UTRN: variants seen among roughly 807,000 people sequenced by gnomAD.
UTRN encodes the protein dystrophin-related protein 1.
A neutral mutation model predicts 463.9 loss-of-function variants in UTRN; 283 were observed. The observed-to-expected ratio is 0.61, with a 90% CI of 0.55 to 0.67. The LOEUF (loss-of-function observed/expected upper bound fraction) is 0.67. UTRN is among the 30% of genes least tolerant of loss of function. The pLI is 0.00. For missense variants in UTRN, 3,922 were observed against 4,084.3 expected (o/e 0.96, Z 1.08); for synonymous variants, 1,442 against 1,431.5 (o/e 1.01, Z -0.17).
intron 11 of UTRN, among the ~76,000 whole-genome samples, chr6:144,438,473 T>A (rs1342349934): frequency 6.6e-6 from 1 of 152,246 alleles, no homozygotes; most frequent in African/African-American, 2.4e-5. Flanking sequence ...TTCCACCTAT[T>A]TAATAAGCAG....
chr6:144,633,806 G>A (rs1776807487), intron 51 of UTRN, among the ~76,000 whole-genome samples: 1 of 152,068 alleles, frequency 6.6e-6, no homozygotes, highest in Non-Finnish European at 1.5e-5. Flanking sequence ...CTTTTAAAAT[G>A]GTTTTATTCA....
intron 51 of UTRN, among the ~76,000 whole-genome samples, chr6:144,655,961 G>A (rs1353036494): frequency 6.6e-6 from 1 of 152,148 alleles, no homozygotes; most frequent in African/African-American, 2.4e-5. Context: ...TTGGAATGTG[G>A]TTTTTATTAA....
At chr6:144,564,121 C>T (rs1363800348) in intron 50 of UTRN, among the ~76,000 whole-genome samples, 1 of 152,172 alleles carries the variant, frequency 6.6e-6, no homozygotes, top group Non-Finnish European at 1.5e-5. Flanking sequence ...CACCTCATTC[C>T]TGCTCCCAGG....
rs11968492 is a variant in UTRN at position 144,351,120 on chromosome 6, A to C, written c.80-52003A>C. 4.7e-3 allele frequency among the ~76,000 whole-genome samples: 719 copies of C among 152,326 alleles called. 5 individuals are homozygous for C. The highest frequency in any genetic ancestry group is 0.016 in the African/African-American group (685 of 41,574). ...AAGATGCTGTGGAGTTAGGCTTAAA[A>C]TTAAGCCCTAACTATTCTGCCTCCT... On this transcript the variant is annotated intron_variant, in intron 2 of 74. Coordinates refer to ENST00000367545, the MANE Select transcript of UTRN (RefSeq NM_007124.3).
Position 144,431,739 on chromosome 6 carries a change from G to A in UTRN, c.855+1998G>A, listed in dbSNP as rs1785869662. 5.3e-5 allele frequency among the ~76,000 whole-genome samples: 8 copies of A among 152,112 alleles called. No individual in the cohort carries two copies. In the South Asian group the frequency reaches 1.7e-3, roughly 32 times the overall value. The stretch of plus-strand genomic sequence containing the variant: ...ATTCTCATTATAGTATAGAGGTTTG[G>A]AGCTAAATGATCTCCAGGGGTTATT... On this transcript the variant is annotated intron_variant, in intron 9 of 74. Transcript: ENST00000367545.
chr6:144,480,022 C>T (rs1254918501), intron 26 of UTRN, 40 bp downstream of exon 26: 1 of 1,588,700 alleles, frequency 6.3e-7, no homozygotes, highest in East Asian at 2.2e-5. Flanking sequence ...CTTCATGCCT[C>T]CCTCCTCCCT....
chr6:144,341,152 A>G (rs1396044417), intron 2 of UTRN, among the ~76,000 whole-genome samples: 2 of 152,234 alleles, frequency 1.3e-5, no homozygotes, highest in Non-Finnish European at 2.9e-5. Context: ...GGCAAGAAAT[A>G]AATAAGACAA....
chr6:144,357,373 G>A (rs936860939), intron 2 of UTRN, among the ~76,000 whole-genome samples: 21 of 152,174 alleles, frequency 1.4e-4, no homozygotes, highest in Admixed American at 1.3e-3. Flanking sequence ...TGTTTTCAGT[G>A]ACTTCATTTC....
At position 144,471,180 on chromosome 6, in the gene UTRN, A is replaced by C. The variant is rs146562184; in HGVS notation, c.3067-2540A>C. 4.8e-4 allele frequency among the ~76,000 whole-genome samples: 72 copies of C among 151,522 alleles called. No individual in the cohort carries two copies. The East Asian group carries it at 0.013, about 28-fold the overall frequency. On this transcript the variant is annotated intron_variant, in intron 23 of 74. Transcript: ENST00000367545. ...GAAGGAACAGATACATGTGAATTGC[A>C]TGTGCCCTGATGGGTCTGCGTGTAT...
intron 3 of UTRN, among the ~76,000 whole-genome samples, chr6:144,415,782 C>A (rs1252481160): frequency 1.3e-5 from 2 of 152,116 alleles, no homozygotes; most frequent in East Asian, 3.8e-4. Flanking sequence ...GCAAAGAGAT[C>A]AGTTGGCTGG....
chr6:144,503,991 A>G (rs1240005842), intron 34 of UTRN, among the ~76,000 whole-genome samples: 1 of 152,052 alleles, frequency 6.6e-6, no homozygotes, highest in East Asian at 1.9e-4. Flanking sequence ...CTAGCTATTT[A>G]ATTCTCTTTG....
chr6:144,388,137 G>A (rs996708192), intron 2 of UTRN, among the ~76,000 whole-genome samples: 2 of 152,126 alleles, frequency 1.3e-5, no homozygotes, highest in African/African-American at 2.4e-5. Flanking sequence ...ATCTTCTAAC[G>A]TACAGATACA....
At chr6:144,530,191 A>G (rs1796916358) in intron 41 of UTRN, among the ~76,000 whole-genome samples, 1 of 152,202 alleles carries the variant, frequency 6.6e-6, no homozygotes, top group African/African-American at 2.4e-5. Context: ...ACAGTTCTGG[A>G]GGCTGGAAGT....
intron 2 of UTRN, among the ~76,000 whole-genome samples, chr6:144,338,366 A>G (rs1378236275): frequency 1.3e-5 from 2 of 152,048 alleles, no homozygotes; most frequent in African/African-American, 2.4e-5. Context: ...CTCTTTGATT[A>G]TTGGATAAGT....
intron 51 of UTRN, among the ~76,000 whole-genome samples, chr6:144,623,745 T>C (rs1008012552): frequency 6.6e-6 from 1 of 152,230 alleles, no homozygotes; most frequent in African/African-American, 2.4e-5. Context: ...TAAAAAATTA[T>C]TCACGGGATT....
intron 2 of UTRN, among the ~76,000 whole-genome samples, chr6:144,376,247 G>A (rs545749668): frequency 6.6e-6 from 1 of 152,172 alleles, no homozygotes; most frequent in East Asian, 1.9e-4. Context: ...ACGAGGTCAG[G>A]AGTTCGATAC....
intron 52 of UTRN, among the ~76,000 whole-genome samples, chr6:144,688,804 AT>A (rs1562768385): frequency 3.3e-5 from 5 of 152,014 alleles, no homozygotes; most frequent in Non-Finnish European, 7.4e-5. Flanking sequence ...GCACTTATTT[AT>A]TTTATCCAGT....
chr6:144,795,214 T>C (rs1169347850), intron 63 of UTRN, among the ~76,000 whole-genome samples: 4 of 152,220 alleles, frequency 2.6e-5, no homozygotes, highest in Non-Finnish European at 4.4e-5. Context: ...TCCTTTTTTA[T>C]GGCTACATAG....
At chr6:144,586,175 C>T (rs1007676169) in intron 51 of UTRN, among the ~76,000 whole-genome samples, 1 of 151,964 alleles carries the variant, frequency 6.6e-6, no homozygotes, top group Non-Finnish European at 1.5e-5. Context: ...AGAATATTCT[C>T]ATTTTGTGGG....
Sources: gnomAD v4.1 joint callset for allele counts (sites outside exome capture counted in the v4.1 genomes callset) on GRCh38, gnomAD v4.1.1 for gene constraint, MANE v1.5 for transcripts, NCBI Gene and HGNC (gene_info 2026-07-23, HGNC 2026-07-21) for gene names.